Variants in DGLUCY observed in about 807,000 individuals in gnomAD.
DGLUCY encodes the protein D-glutamate cyclase, also known as D-glutamate cyclase, mitochondrial.
A neutral mutation model predicts 58.5 loss-of-function variants in DGLUCY; 58 were observed. That is an observed-to-expected ratio of 0.99 (90% CI 0.80 to 1.23). The LOEUF (loss-of-function observed/expected upper bound fraction) is 1.23, where lower values mean the gene tolerates loss of function less well. Among genes scored for constraint, DGLUCY ranks in the 50% most tolerant of loss-of-function variants. The pLI is 0.00. For missense variants in DGLUCY, 779 were observed against 784.7 expected, an observed-to-expected ratio of 0.99 and a Z score of 0.09; for synonymous variants, 325 against 314.1, an observed-to-expected ratio of 1.03 and a Z score of -0.37.
chr14:91,217,992 G>A (rs1032133987), intron 13 of DGLUCY, among the ~76,000 whole-genome samples: 1 of 152,176 alleles, frequency 6.6e-6, no homozygotes, highest in East Asian at 1.9e-4. Context: ...GCTTGCCTGA[G>A]ACCACCCAGC....
At chr14:91,181,126 T>G in intron 7 of DGLUCY, 60 bp from the exon 8 acceptor site, 181 of 1,529,522 alleles carry the variant, frequency 1.2e-4, no homozygotes, top group Non-Finnish European at 1.5e-4. Flanking sequence ...GTGGGCTAGA[T>G]GAGGGTAGGC....
At chr14:91,153,268 T>G (rs1182906383) in intron 1 of DGLUCY, among the ~76,000 whole-genome samples, 1 of 152,162 alleles carries the variant, frequency 6.6e-6, no homozygotes, top group Non-Finnish European at 1.5e-5. Context: ...CTGCAACCTC[T>G]GCCTCCCTGG....
chr14:91,094,716 G>A lies in DGLUCY; in HGVS notation c.-82+34012G>A, dbSNP rs143426260. Among the ~76,000 whole-genome samples, 444 of 150,358 alleles carry A rather than the reference G, an allele frequency of 3.0e-3. 1 individual carries two copies. Among genetic ancestry groups the A allele is most frequent in the East Asian group, 0.023 (113 of 5,006 alleles). ...TGGGCACCTGTAATCCCAGCTACTC[G>A]GGAGGCTGAGGCAGGAGAATCACTT... is the stretch of plus-strand genomic sequence containing the variant. On this transcript the variant is annotated intron_variant, in intron 1 of 4. Transcript: ENST00000521334.
chr14:91,182,901 A>ATTTTATTTTATTTTATTTTACT (rs2049272474), intron 8 of DGLUCY, among the ~76,000 whole-genome samples: 1 of 148,602 alleles, frequency 6.7e-6, no homozygotes, highest in East Asian at 1.9e-4. Flanking sequence ...CCAATTAGTT[A>ATTTTATTTTATTTTATTTTACT]TTTTATTTTA....
chr14:91,196,602 G>A, intron 10 of DGLUCY, 128 bp downstream of exon 10: 2 of 725,634 alleles, frequency 2.8e-6, no homozygotes, highest in Non-Finnish European at 4.7e-6. Flanking sequence ...AAGGAAGATG[G>A]GTTCTCATGG....
intron 10 of DGLUCY, among the ~76,000 whole-genome samples, chr14:91,199,145 A>C (rs1266991232): frequency 6.6e-6 from 1 of 152,152 alleles, no homozygotes; most frequent in African/African-American, 2.4e-5. Context: ...TGCTGGACAA[A>C]GGGGATCTGA....
chr14:91,191,666 G>C (rs1177943688), intron 9 of DGLUCY, among the ~76,000 whole-genome samples: 1 of 152,198 alleles, frequency 6.6e-6, no homozygotes, highest in Non-Finnish European at 1.5e-5. Flanking sequence ...GAAACCCAAA[G>C]AGACAAAAAG....
rs955993947 is a variant in DGLUCY at position 91,150,948 on chromosome 14, C to T, written c.-81-6691C>T. Among the ~76,000 whole-genome samples the T allele has an allele frequency of 3.3e-5, 5 of 152,196 alleles. No individual in the cohort carries two copies. The South Asian group carries it at 6.2e-4, about 19-fold the overall frequency. ...AAACTGAAACTCTCTGCCCATTACACGGTAACTCCCCATTCCCCACCCCAT... is the reference window on the plus strand; with the variant it reads ...AAACTGAAACTCTCTGCCCATTACATGGTAACTCCCCATTCCCCACCCCAT... On this transcript the variant is annotated intron_variant, in intron 1 of 13. Transcript: ENST00000256324.
At chr14:91,216,620 G>A in intron 13 of DGLUCY, among the ~76,000 whole-genome samples, 1 of 149,662 alleles carries the variant, frequency 6.7e-6, no homozygotes, top group East Asian at 2.0e-4. Context: ...CTCCAGCCTT[G>A]GAGACAGAGT....
At chr14:91,091,183 A>G (rs2044304965) in intron 1 of DGLUCY, 2 of 152,134 alleles carry the variant, frequency 1.3e-5, no homozygotes, top group South Asian at 2.1e-4. Flanking sequence ...ATATAATACA[A>G]TACATTCCTC....
At chr14:91,169,635 C>T (rs1464760148) in intron 4 of DGLUCY, among the ~76,000 whole-genome samples, 1 of 151,850 alleles carries the variant, frequency 6.6e-6, no homozygotes, top group Non-Finnish European at 1.5e-5. Flanking sequence ...GTCTTGAACT[C>T]CGGAGTTCAA....
At chr14:91,122,467 G>T (rs1566950694) in intron 1 of DGLUCY, among the ~76,000 whole-genome samples, 1 of 151,794 alleles carries the variant, frequency 6.6e-6, no homozygotes, top group Non-Finnish European at 1.5e-5. Context: ...AAAAAAGAAA[G>T]ATTTTTTTTA....
In DGLUCY at chr14:91,108,526, T is replaced by TGTGTGTGTGAGA. The variant is rs1265665234; in HGVS notation, c.-82+466_-82+467insTGTGTGTGAGAG. 6.6e-3 allele frequency among the ~76,000 whole-genome samples: 346 copies of TGTGTGTGTGAGA among 52,186 alleles called. 3 individuals carry two copies. Among genetic ancestry groups the TGTGTGTGTGAGA allele is most frequent in the Admixed American group, 9.3e-3 (35 of 3,758 alleles). The allele number at this position is 52,186 out of a possible 152,430, so 34.2% of individuals were successfully genotyped here. On this transcript the variant is annotated intron_variant, in intron 1 of 4. Transcript: ENST00000518871. Reference sequence around the variant, plus strand: ...GTGTGTGTGTGTGTGTGTGTGTGTGTGAGAGAGAGAGAGAGAGAGAGAGAG... The same window carrying TGTGTGTGTGAGA: ...GTGTGTGTGTGTGTGTGTGTGTGTGTGTGTGTGTGAGAGAGAGAGAGAGAGAGAGAGAGAGAG...
At chr14:91,213,271 C>G (rs1014343834) in intron 12 of DGLUCY, among the ~76,000 whole-genome samples, 1 of 152,060 alleles carries the variant, frequency 6.6e-6, no homozygotes, top group Non-Finnish European at 1.5e-5. Context: ...TCCATCTCTA[C>G]TAAAAATACA....
At chr14:91,127,269 C>G (rs2045760960) in intron 1 of DGLUCY, among the ~76,000 whole-genome samples, 1 of 152,090 alleles carries the variant, frequency 6.6e-6, no homozygotes, top group Admixed American at 6.6e-5. Flanking sequence ...GTTGCCCAGG[C>G]TGGTCTTGAA....
intron 1 of DGLUCY, among the ~76,000 whole-genome samples, chr14:91,125,950 A>C (rs952916642): frequency 6.6e-6 from 1 of 152,162 alleles, no homozygotes; most frequent in Non-Finnish European, 1.5e-5. Context: ...AAAACAAAAC[A>C]AAACAAATTC....
chr14:91,170,433 A>G lies in DGLUCY; in HGVS notation c.456+232A>G, dbSNP rs112862024. Reference sequence around the variant, plus strand: ...TGAGCACCCAGTGTGGCCCTTCTTCATGGTTCAGTGCTGTAAACCAAACCT... The same window carrying G: ...TGAGCACCCAGTGTGGCCCTTCTTCGTGGTTCAGTGCTGTAAACCAAACCT... On this transcript the variant is annotated intron_variant, in intron 5 of 13. Coordinates refer to ENST00000256324, the MANE Select transcript of DGLUCY (RefSeq NM_001102368.3). Among the ~76,000 whole-genome samples, 404 of 152,264 alleles carry G rather than the reference A, an allele frequency of 2.7e-3. 7 individuals are homozygous for G. Among genetic ancestry groups the G allele is most frequent in the African/African-American group, 9.2e-3 (384 of 41,570 alleles).
At chr14:91,112,249 CAAAA>C (rs1297795479), upstream of DGLUCY, among the ~76,000 whole-genome samples, 3 of 98,772 alleles carry the variant, frequency 3.0e-5, no homozygotes, top group Admixed American at 1.1e-4. Context: ...AACTCTGTCT[CAAAA>C]AAAAAAAAAA....
At chr14:91,215,307 C>A in intron 12 of DGLUCY, 98 bp from the exon 13 acceptor site, 1 of 1,507,422 alleles carries the variant, frequency 6.6e-7, no homozygotes. Flanking sequence ...GCTACGGGAC[C>A]GTGGACCAGT....
Sources: allele counts gnomAD v4.1 joint callset (sites outside exome capture counted in the v4.1 genomes callset), GRCh38; gene constraint gnomAD v4.1.1; transcripts MANE v1.5; gene names NCBI Gene and HGNC (gene_info 2026-07-23, HGNC 2026-07-21).